The following PREX1 variants were observed in gnomAD, a reference collection of about 807,000 sequenced individuals.
PREX1 encodes phosphatidylinositol 3,4,5-trisphosphate-dependent Rac exchanger 1 protein.
A neutral mutation model predicts 198.3 loss-of-function variants in PREX1; 41 were observed. The ratio of observed to expected loss-of-function variants is 0.21; its 90% confidence interval spans 0.16 to 0.27. PREX1 has a LOEUF of 0.27. Ranked by LOEUF, PREX1 falls within the 10% of genes least tolerant of loss-of-function variation. The pLI, the probability that PREX1 is intolerant of heterozygous loss-of-function variation, is 1.00. For synonymous variants in PREX1, 843 were observed against 887.2 expected (o/e 0.95, Z 0.89); for missense variants, 1,620 against 2,200.7 (o/e 0.74, Z 5.28).
intron 39 of PREX1, among the ~76,000 whole-genome samples, chr20:48,626,766 C>A (rs540789950): frequency 2.6e-5 from 4 of 152,374 alleles, no homozygotes; most frequent in East Asian, 3.9e-4. Flanking sequence ...GGGGAGCTGC[C>A]TGAAGGGTCC....
chr20:48,681,168 G>T (rs1003525486), intron 11 of PREX1, 67 bp downstream of exon 11: 22 of 1,342,834 alleles, frequency 1.6e-5, no homozygotes, highest in African/African-American at 2.9e-5. Flanking sequence ...GCTAGTGGAA[G>T]CATGGCACAG....
chr20:48,742,947 T>C (rs2090089268), intron 3 of PREX1, among the ~76,000 whole-genome samples: 2 of 152,284 alleles, frequency 1.3e-5, no homozygotes, highest in South Asian at 2.1e-4. Context: ...TGAGGACCCT[T>C]TCTCCCACTT....
At chr20:48,629,297 A>G (rs1029651154) in intron 37 of PREX1, 152 bp downstream of exon 37, 2 of 1,101,218 alleles carry the variant, frequency 1.8e-6, no homozygotes, top group Non-Finnish European at 2.6e-6. Flanking sequence ...ACAGACAGAC[A>G]AACTGAGGTG....
chr20:48,777,930 G>C (rs2090270701), intron 1 of PREX1, among the ~76,000 whole-genome samples: 1 of 152,118 alleles, frequency 6.6e-6, no homozygotes, highest in Non-Finnish European at 1.5e-5. Context: ...GTCTACACCA[G>C]GGGCTACAAA....
At chr20:48,748,107 G>A (rs1376456705) in intron 1 of PREX1, among the ~76,000 whole-genome samples, 2 of 151,988 alleles carry the variant, frequency 1.3e-5, no homozygotes, top group African/African-American at 2.4e-5. Flanking sequence ...CACCTACGAC[G>A]CCAGGCCCTG....
At chr20:48,858,071 G>A in the PREX1 span, among the ~76,000 whole-genome samples, 14 of 152,318 alleles carry the variant, frequency 9.2e-5, no homozygotes, top group East Asian at 5.8e-4. Flanking sequence ...AGGCCTTCCC[G>A]GCCACTGTAA....
intron 3 of PREX1, among the ~76,000 whole-genome samples, chr20:48,740,959 G>A (rs975453467): frequency 7.2e-5 from 11 of 152,066 alleles, no homozygotes; most frequent in African/African-American, 2.7e-4. Context: ...TTTCAATGAT[G>A]ATGCAAATTT....
rs761743431 is a variant in PREX1 at position 48,659,963 on chromosome 20, T to C, written c.1837A>G (p.Asn613Asp). The change falls in exon 16 of 40, where the codon AAC becomes GAC. Residue 613 changes from asparagine to aspartate, a missense_variant. By Grantham distance (23) the Asn-to-Asp change is conservative (BLOSUM62 1). This residue lies in a region of PREX1 where 488 missense variants were observed against 802.5 expected (regional missense o/e 0.61). Coordinates refer to ENST00000371941, the MANE Select transcript of PREX1 (RefSeq NM_020820.4). ...GTSSKNKQLR[N>D]DFKLVENILA... ...ATGTTCTCCACCAGCTTGAAGTCGTTGCGAAGCTGTTTGTTCTTGCTGCTG... is the reference window on the plus strand; with the variant it reads ...ATGTTCTCCACCAGCTTGAAGTCGTCGCGAAGCTGTTTGTTCTTGCTGCTG... The C allele has an allele frequency of 6.2e-7, 1 of 1,614,236 alleles. No individual in the cohort carries two copies. The highest frequency in any genetic ancestry group is 8.5e-7 in the Non-Finnish European group (1 of 1,180,028).
chr20:48,721,835 G>A (rs140143198), intron 5 of PREX1, among the ~76,000 whole-genome samples: 2 of 152,292 alleles, frequency 1.3e-5, no homozygotes, highest in East Asian at 3.9e-4. Flanking sequence ...GACAGAGTCT[G>A]AGAGCAGAGC....
At chr20:48,710,024 T>C (rs2089923388) in intron 5 of PREX1, among the ~76,000 whole-genome samples, 1 of 152,160 alleles carries the variant, frequency 6.6e-6, no homozygotes, top group Non-Finnish European at 1.5e-5. Context: ...ACCCAGGCAA[T>C]GTGCCCAAAG....
chr20:48,642,687 T>C (rs762613540), intron 27 of PREX1, 198 bp from the exon 28 acceptor site: 2 of 546,812 alleles, frequency 3.7e-6, no homozygotes, highest in Non-Finnish European at 6.5e-6. Flanking sequence ...ATCTGCAAAA[T>C]GGACAACAGG....
chr20:48,709,676 T>A (rs1601090386), intron 5 of PREX1, among the ~76,000 whole-genome samples: 1 of 152,200 alleles, frequency 6.6e-6, no homozygotes, highest in African/African-American at 2.4e-5. Context: ...GGCTGCCTGG[T>A]GCTGCTCATG....
At chr20:48,700,031 A>G (rs2089865912) in intron 7 of PREX1, among the ~76,000 whole-genome samples, 1 of 152,112 alleles carries the variant, frequency 6.6e-6, no homozygotes, top group Non-Finnish European at 1.5e-5. Context: ...GTGTGCCCAC[A>G]CAACCCGTCA....
intron 18 of PREX1, 50 bp downstream of exon 18, chr20:48,656,990 A>C (rs2089549283): frequency 6.5e-7 from 1 of 1,538,054 alleles, no homozygotes; most frequent in Non-Finnish European, 8.8e-7. Flanking sequence ...CTCAGCCACC[A>C]CTCAGCCTGA....
the PREX1 span, among the ~76,000 whole-genome samples, chr20:48,881,630 G>T: frequency 1.3e-5 from 2 of 151,940 alleles, no homozygotes; most frequent in Non-Finnish European, 2.9e-5. Context: ...GGGTCTACAG[G>T]CACCTGCCAC....
At chr20:48,848,880 G>GCA in the PREX1 span, among the ~76,000 whole-genome samples, 2 of 152,122 alleles carry the variant, frequency 1.3e-5, no homozygotes. Context: ...GGGACTACAG[G>GCA]CACACACCAC....
chr20:48,753,487 G>A (rs1268500644), intron 1 of PREX1, among the ~76,000 whole-genome samples: 4 of 151,984 alleles, frequency 2.6e-5, no homozygotes, highest in Non-Finnish European at 5.9e-5. Context: ...AGTGTGTAGA[G>A]GCCAGGGATG....
At chr20:48,804,206 G>A (rs2090400023) in intron 1 of PREX1, among the ~76,000 whole-genome samples, 1 of 152,230 alleles carries the variant, frequency 6.6e-6, no homozygotes, top group African/African-American at 2.4e-5. Flanking sequence ...TATGTGCCAG[G>A]CACTGTTCTA....
intron 14 of PREX1, among the ~76,000 whole-genome samples, chr20:48,667,709 G>A (rs531992286): frequency 7.2e-5 from 11 of 152,342 alleles, no homozygotes; most frequent in African/African-American, 2.4e-4. Flanking sequence ...CATCCAACCC[G>A]AAACGTGAAG....
Sources: allele counts gnomAD v4.1 joint callset (sites outside exome capture counted in the v4.1 genomes callset), GRCh38; gene constraint gnomAD v4.1.1; regional missense constraint gnomAD v4.1.1; transcripts MANE v1.5; gene names NCBI Gene and HGNC (gene_info 2026-07-23, HGNC 2026-07-21).